B3GALT2: variants seen among roughly 807,000 people sequenced by gnomAD.
B3GALT2 encodes the protein UDP-Gal:betaGlcNAc beta 1,3-galactosyltransferase, polypeptide 2.
B3GALT2 carries 13 observed loss-of-function variants against 33.5 expected under a neutral mutation model. That is an observed-to-expected ratio of 0.39 (90% CI 0.25 to 0.62). The LOEUF is 0.62. Ranked by LOEUF, B3GALT2 falls within the 20% of genes least tolerant of loss-of-function variation. The pLI is 0.53. For synonymous variants in B3GALT2, 195 were observed against 172.7 expected, an observed-to-expected ratio of 1.13 and a Z score of -1.01; for missense variants, 418 against 509.1, an observed-to-expected ratio of 0.82 and a Z score of 1.72.
chr1:193,183,984 A>C (rs917113960), intron 1 of B3GALT2, among the ~76,000 whole-genome samples: 2 of 151,894 alleles, frequency 1.3e-5, no homozygotes, highest in African/African-American at 2.4e-5. Flanking sequence ...TGTTGCTTTT[A>C]TAAGAACAAT....
In B3GALT2 at chr1:193,179,119, T is replaced by C. The variant is rs762298762; in HGVS notation, c.*1175A>G. The C allele has an allele frequency of 1.3e-5, 2 of 152,208 alleles. No individual in the cohort carries two copies. The highest frequency in any genetic ancestry group is 2.9e-5 in the Non-Finnish European group (2 of 68,024). The allele number at this position is 152,208 out of a possible 1,614,324, so 9.4% of individuals were successfully genotyped here. On this transcript the variant is annotated 3_prime_UTR_variant, in exon 2 of 2. Coordinates refer to ENST00000367434, the MANE Select transcript of B3GALT2 (RefSeq NM_003783.3). ...GTATACATTGTTCATCCTAGAATTGTGTTTGTCAAACGTTTGTAGTTTTCC... is the reference window on the plus strand; with the variant it reads ...GTATACATTGTTCATCCTAGAATTGCGTTTGTCAAACGTTTGTAGTTTTCC...
chr1:193,180,816 C>A lies in B3GALT2; in HGVS notation c.747G>T (p.Met249Ile). ...ATYCPHIPYVMKTDSDMFVNT... is the reference protein window; with the variant it reads ...ATYCPHIPYVIKTDSDMFVNT... ...TGACAAACATGTCACTGTCAGTTTTCATAACATATGGAATATGTGGACAGT... is the reference window on the plus strand; with the variant it reads ...TGACAAACATGTCACTGTCAGTTTTAATAACATATGGAATATGTGGACAGT... Residue 249 changes from methionine to isoleucine, a missense_variant, in exon 2 of 2, where the codon ATG (methionine) becomes ATT (isoleucine). This residue lies in a region of B3GALT2 where 226 missense variants were observed against 293.9 expected (regional missense o/e 0.77). Coordinates refer to ENST00000367434, the MANE Select transcript of B3GALT2 (RefSeq NM_003783.3). 1 of 1,614,078 alleles carries A rather than the reference C, an allele frequency of 6.2e-7. No individual in the cohort carries two copies. Among genetic ancestry groups the A allele is most frequent in the South Asian group, 1.1e-5 (1 of 91,082 alleles).
chr1:193,180,868 A>G lies in B3GALT2; in HGVS notation c.695T>C (p.Leu232Pro). Residue 232 changes from leucine to proline, a missense_variant, in exon 2 of 2, where the codon CTA becomes CCA. By Grantham distance (98) the Leu-to-Pro change is moderately conservative. Coordinates refer to ENST00000367434, the MANE Select transcript of B3GALT2 (RefSeq NM_003783.3). The stretch of plus-strand genomic sequence containing the variant: ...TGTTGCAACCCAGTTCATGCCCATT[A>G]GTGTTTTAATGGTCAAATTATAGTA... Reference protein sequence around the residue: ...DTYYNLTIKTLMGMNWVATYC... With the variant: ...DTYYNLTIKTPMGMNWVATYC... 6.2e-7 allele frequency: 1 copy of G among 1,613,904 alleles called. No individual in the cohort carries two copies. Among genetic ancestry groups the G allele is most frequent in the Non-Finnish European group, 8.5e-7 (1 of 1,179,898 alleles).
chr1:193,180,398 C>T lies in B3GALT2; in HGVS notation c.1165G>A (p.Glu389Lys). 6.2e-7 allele frequency: 1 copy of T among 1,613,868 alleles called. No homozygotes were observed. Among genetic ancestry groups the T allele is most frequent in the Non-Finnish European group, 8.5e-7 (1 of 1,179,842 alleles). ...LITSHQFQPS[E>K]LIKYWNHLQQ... ...AAATGGTTCCAGTATTTTATCAGTT[C>T]ACTAGGCTGGAACTGATGAGAGGTA... The change falls in exon 2 of 2, where the codon GAA becomes AAA. Residue 389 changes from glutamate (E) to lysine (K), a missense_variant. Glu to Lys is a moderately conservative substitution (Grantham distance 56, BLOSUM62 1). This residue lies in a region of B3GALT2 where 226 missense variants were observed against 293.9 expected (regional missense o/e 0.77). Transcript: ENST00000367434.
chr1:193,181,156 A>C lies in B3GALT2; in HGVS notation c.407T>G (p.Phe136Cys). The C allele has an allele frequency of 6.2e-7, 1 of 1,613,928 alleles. No individual in the cohort carries two copies. The highest frequency in any genetic ancestry group is 1.3e-5 in the African/African-American group (1 of 75,000). Reference protein sequence around the residue: ...KGTGHPNSYHFKYIINEPEKC... With the variant: ...KGTGHPNSYHCKYIINEPEKC... ...TTCAGGCTCATTAATAATATATTTG[A>C]AATGGTAAGAATTTGGATGTCCAGT... The change falls in exon 2 of 2, where the codon TTC becomes TGC. Residue 136 changes from phenylalanine to cysteine, a missense_variant. Coordinates refer to ENST00000367434, the MANE Select transcript of B3GALT2 (RefSeq NM_003783.3).
chr1:193,180,715 A>G lies in B3GALT2; in HGVS notation c.848T>C (p.Met283Thr). 2 of 1,614,096 alleles carry G rather than the reference A, an allele frequency of 1.2e-6. No homozygotes were observed. The highest frequency in any genetic ancestry group is 1.7e-6 in the Non-Finnish European group (2 of 1,179,952). ...GTTTCGATTGGGTGCATATCCTCGC[A>G]TTAGGTAACCAGTGAAATAGTTATG... ...PRHNYFTGYL[M>T]RGYAPNRNKD... is the part of the protein sequence containing the mutation. The change falls in exon 2 of 2, where the codon ATG (methionine) becomes ACG (threonine). Residue 283 changes from methionine to threonine, a missense_variant. Around this residue, in one of 3 missense-constraint regions of B3GALT2, gnomAD observed 226 missense variants for 293.9 expected, o/e 0.77. Coordinates refer to ENST00000367434, the MANE Select transcript of B3GALT2 (RefSeq NM_003783.3).
In B3GALT2 at chr1:193,180,788, T is replaced by C; in HGVS notation, c.775A>G (p.Thr259Ala). ...AGTAACTTATTGATTAAATATTCAG[T>C]GTTGACAAACATGTCACTGTCAGTT... ...MKTDSDMFVN[T>A]EYLINKLLKP... is the part of the protein sequence containing the mutation. The change falls in exon 2 of 2, where the codon ACT becomes GCT. Residue 259 changes from threonine (T) to alanine (A), a missense_variant. Thr to Ala is a moderately conservative substitution (Grantham distance 58). Around this residue, in one of 3 missense-constraint regions of B3GALT2, gnomAD observed 226 missense variants for 293.9 expected, o/e 0.77. Coordinates refer to ENST00000367434, the MANE Select transcript of B3GALT2 (RefSeq NM_003783.3). 1 of 1,614,134 alleles carries C rather than the reference T, an allele frequency of 6.2e-7. No homozygotes were observed. The highest frequency in any genetic ancestry group is 2.2e-5 in the East Asian group (1 of 44,890).
intron 1 of B3GALT2, 89 bp from the exon 2 acceptor site, chr1:193,181,771 C>CTG (rs750229437): frequency 1.1e-4 from 49 of 448,728 alleles, no homozygotes; most frequent in Non-Finnish European, 1.9e-4. Flanking sequence ...ATGTCTTAAG[C>CTG]TGTGAAAATA....
At position 193,183,808 on chromosome 1, in the gene B3GALT2, G is replaced by A. The variant is rs192429943; in HGVS notation, c.-120-2126C>T. On this transcript the variant is annotated intron_variant, in intron 1 of 1. Transcript: ENST00000367434. Reference sequence around the variant, plus strand: ...TACAAAGATAAGTTATCTGTTTTCTGCTGATATGATAATACTTGGAATCTG... The same window carrying A: ...TACAAAGATAAGTTATCTGTTTTCTACTGATATGATAATACTTGGAATCTG... Among the ~76,000 whole-genome samples the A allele has an allele frequency of 7.9e-5, 12 of 151,826 alleles. No homozygotes were observed. In the East Asian group the frequency reaches 2.3e-3, roughly 29 times the overall value.
Position 193,181,634 on chromosome 1 carries a change from T to C in B3GALT2, c.-72A>G. 4 of 1,324,918 alleles carry C rather than the reference T, an allele frequency of 3.0e-6. No individual in the cohort carries two copies. Among genetic ancestry groups the C allele is most frequent in the Non-Finnish European group, 4.1e-6 (4 of 964,332 alleles). 82.1% of individuals were successfully genotyped at this position (1,324,918 alleles called of 1,614,324 possible). On this transcript the variant is annotated 5_prime_UTR_variant, in exon 2 of 2. Transcript: ENST00000367434. ...TGTTTTCTTCTCCTTAATACTATTC[T>C]TTGGCAATCATTTTCTAATTCAGTC...
intron 1 of B3GALT2, among the ~76,000 whole-genome samples, chr1:193,182,149 C>T (rs550259409): frequency 1.3e-5 from 2 of 152,144 alleles, no homozygotes; most frequent in South Asian, 2.1e-4. Context: ...GTGGGACAGA[C>T]GGTGCAAGGT....
At position 193,186,083 on chromosome 1, in the gene B3GALT2, T is replaced by G. The variant is rs1461259866; in HGVS notation, c.-185A>C. ...CACTGAAAATACTTTTGGCACGCCA[T>G]CACTTCAGCAAAAAAGATGCTATCG... On this transcript the variant is annotated 5_prime_UTR_variant, in exon 1 of 2. The change abolishes an upstream ATG in the 5' untranslated region. Transcript: ENST00000367434. The G allele has an allele frequency of 1.3e-5, 2 of 152,862 alleles. No individual in the cohort carries two copies. The highest frequency in any genetic ancestry group is 6.6e-5 in the Admixed American group (1 of 15,248). The allele number at this position is 152,862 out of a possible 1,614,324, so 9.5% of individuals were successfully genotyped here. A position where few individuals can be genotyped will look rare whatever the true frequency, so the allele number is the denominator to read the frequency against.
Position 193,180,600 on chromosome 1 carries a change from T to C in B3GALT2, c.963A>G (p.Gly321=). The change falls in exon 2 of 2, where the codon GGA becomes GGG. Residue 321 remains glycine (G), a synonymous_variant. Transcript: ENST00000367434. ...FCSGTGYVFS[G]DLAEKIFKVS... ...CTTTAAAAATCTTTTCTGCCAGATC[T>C]CCAGAAAAAACATAACCAGTTCCAG... 1 of 1,614,098 alleles carries C rather than the reference T, an allele frequency of 6.2e-7. No individual in the cohort carries two copies. Among genetic ancestry groups the C allele is most frequent in the Non-Finnish European group, 8.5e-7 (1 of 1,179,962 alleles).
At chr1:193,183,950 A>G (rs1676763434) in intron 1 of B3GALT2, among the ~76,000 whole-genome samples, 1 of 151,914 alleles carries the variant, frequency 6.6e-6, no homozygotes, top group African/African-American at 2.4e-5. Context: ...GAGTAAATAA[A>G]TGATGGAAAA....
chr1:193,179,131 G>C lies in B3GALT2; in HGVS notation c.*1163C>G, dbSNP rs1335633238. ...CATCCTAGAATTGTGTTTGTCAAAC[G>C]TTTGTAGTTTTCCCCATCCCTCCCA... On this transcript the variant is annotated 3_prime_UTR_variant, in exon 2 of 2. Coordinates refer to ENST00000367434, the MANE Select transcript of B3GALT2 (RefSeq NM_003783.3). 1 of 152,102 alleles carries C rather than the reference G, an allele frequency of 6.6e-6. No homozygotes were observed. The highest frequency in any genetic ancestry group is 2.4e-5 in the African/African-American group (1 of 41,424). 9.4% of individuals were successfully genotyped at this position (152,102 alleles called of 1,614,324 possible).
intron 1 of B3GALT2, among the ~76,000 whole-genome samples, chr1:193,183,350 TA>T (rs11309249): frequency 0.62 from 92,585 of 148,592 alleles, 29,321 homozygotes; most frequent in South Asian, 0.77. Flanking sequence ...TTCTAAAATG[TA>T]AAAAAATTAA....
At position 193,180,493 on chromosome 1, in the gene B3GALT2, G is replaced by A. The variant is rs556506356; in HGVS notation, c.1070C>T (p.Pro357Leu). The A allele has an allele frequency of 1.2e-6, 2 of 1,613,884 alleles. No homozygotes were observed. The highest frequency in any genetic ancestry group is 2.2e-5 in the South Asian group (2 of 91,050). Residue 357 changes from proline to leucine, a missense_variant, in exon 2 of 2, where the codon CCC (proline) becomes CTC (leucine). By Grantham distance (98) the Pro-to-Leu change is moderately conservative. Coordinates refer to ENST00000367434, the MANE Select transcript of B3GALT2 (RefSeq NM_003783.3). ...ATTGAACACAAACTCATTGGGAGGG[G>A]GTACAGGATCAATTCTCAACTTGGC... ...CLAKLRIDPV[P>L]PPNEFVFNHW...
At chr1:193,182,742 T>C (rs1393122372) in intron 1 of B3GALT2, among the ~76,000 whole-genome samples, 5 of 152,136 alleles carry the variant, frequency 3.3e-5, no homozygotes, top group Non-Finnish European at 7.4e-5. Flanking sequence ...ACAGATTTGT[T>C]CACATTTGTT....
chr1:193,181,132 T>C lies in B3GALT2; in HGVS notation c.431A>G (p.Glu144Gly), dbSNP rs1359147901. The C allele has an allele frequency of 1.2e-6, 2 of 1,613,970 alleles. No homozygotes were observed. Among genetic ancestry groups the C allele is most frequent in the East Asian group, 4.5e-5 (2 of 44,900 alleles). ...YHFKYIINEPEKCQEKSPFLI... is the reference protein window; with the variant it reads ...YHFKYIINEPGKCQEKSPFLI... ...AAAAGGACTTTTCTCTTGGCATTTT[T>C]CAGGCTCATTAATAATATATTTGAA... Residue 144 changes from glutamate to glycine, a missense_variant, in exon 2 of 2, where the codon GAA becomes GGA. By Grantham distance (98) the Glu-to-Gly change is moderately conservative. This residue lies in a region of B3GALT2 where 188 missense variants were observed against 197.5 expected (regional missense o/e 0.95). Transcript: ENST00000367434.
Sources: allele counts gnomAD v4.1 joint callset (sites outside exome capture counted in the v4.1 genomes callset), GRCh38; gene constraint gnomAD v4.1.1; regional missense constraint gnomAD v4.1.1; transcripts MANE v1.5; gene names NCBI Gene and HGNC (gene_info 2026-07-23, HGNC 2026-07-21).